STOX2: variants seen among roughly 807,000 people sequenced by gnomAD.
The protein encoded by STOX2 is storkhead-box protein 2.
A neutral mutation model predicts 60.9 loss-of-function variants in STOX2; 28 were observed. The observed-to-expected ratio is 0.46, with a 90% CI of 0.34 to 0.63. The LOEUF (loss-of-function observed/expected upper bound fraction) is 0.63, where lower values mean the gene tolerates loss of function less well. STOX2 is among the 30% of genes least tolerant of loss of function. The probability of loss-of-function intolerance (pLI) is 0.01; values close to 1 mark genes in which losing one functional copy is unlikely to be tolerated. For missense variants in STOX2, 1,024 were observed against 1,187.7 expected, an observed-to-expected ratio of 0.86 and a Z score of 2.03; for synonymous variants, 472 against 463.9, an observed-to-expected ratio of 1.02 and a Z score of -0.22.
At chr4:183,853,246 G>A (rs1419271566) in intron 1 of STOX2, among the ~76,000 whole-genome samples, 2 of 152,198 alleles carry the variant, frequency 1.3e-5, no homozygotes, top group Non-Finnish European at 2.9e-5. Context: ...TCATTGTCAG[G>A]CTTTTCCCTT....
At chr4:183,838,124 A>G (rs945506613) in intron 1 of STOX2, among the ~76,000 whole-genome samples, 3 of 151,398 alleles carry the variant, frequency 2.0e-5, no homozygotes, top group African/African-American at 7.3e-5. Flanking sequence ...CTCTTTAAAT[A>G]TTTCAATAAA....
chr4:183,963,417 AT>A (rs956299080), intron 1 of STOX2, among the ~76,000 whole-genome samples: 28 of 151,536 alleles, frequency 1.8e-4, no homozygotes, highest in Non-Finnish European at 3.1e-4. Context: ...AAAATGTTAT[AT>A]TTTTTTTCTT....
intron 2 of STOX2, among the ~76,000 whole-genome samples, chr4:184,008,909 C>T (rs898398227): frequency 1.3e-5 from 2 of 152,160 alleles, no homozygotes; most frequent in African/African-American, 2.4e-5. Context: ...ACAGTAGCAA[C>T]CTGACTCCAC....
chr4:183,856,320 G>A lies in STOX2; in HGVS notation c.364+58265G>A, dbSNP rs562059659. ...ACCATTAATTAAAGAAATGGCATGG[G>A]CTACACTAACAGAAGAGCACCCTTC... is the stretch of plus-strand genomic sequence containing the variant. On this transcript the variant is annotated intron_variant, in intron 1 of 2. Transcript: ENST00000513034. The surrounding 1 kb of genome is among the most constrained non-coding windows in gnomAD (Gnocchi z 4.0). Among the ~76,000 whole-genome samples the A allele has an allele frequency of 1.3e-5, 2 of 152,252 alleles. No homozygotes were observed. Among genetic ancestry groups the A allele is most frequent in the South Asian group, 4.1e-4 (2 of 4,822 alleles).
chr4:183,947,796 T>G (rs1365951640), intron 1 of STOX2, among the ~76,000 whole-genome samples: 1 of 152,176 alleles, frequency 6.6e-6, no homozygotes. Context: ...CCTCTGTGTC[T>G]CAATACAATT....
intron 1 of STOX2, among the ~76,000 whole-genome samples, chr4:183,909,231 TAGATGATATACTGAAAC>T (rs1741710614): frequency 6.6e-6 from 1 of 152,220 alleles, no homozygotes; most frequent in Non-Finnish European, 1.5e-5. Flanking sequence ...TTGATAGAAA[TAGATGATATACTGAAAC>T]ACTTGGAAAT....
intron 1 of STOX2, among the ~76,000 whole-genome samples, chr4:183,934,965 C>T (rs183879455): frequency 1.3e-5 from 2 of 152,360 alleles, no homozygotes; most frequent in South Asian, 2.1e-4. Context: ...GCACAGTCAT[C>T]GCCATTGCCA....
intron 1 of STOX2, among the ~76,000 whole-genome samples, chr4:183,839,685 T>C (rs1176433603): frequency 6.6e-6 from 1 of 152,202 alleles, no homozygotes; most frequent in Non-Finnish European, 1.5e-5. Context: ...CTCTTGACTT[T>C]GCATTTCATG....
intron 1 of STOX2, among the ~76,000 whole-genome samples, chr4:183,942,239 AT>A (rs1227866604): frequency 1.3e-5 from 2 of 150,190 alleles, no homozygotes; most frequent in African/African-American, 4.9e-5. Context: ...CAACCAGCTT[AT>A]TTCCTTTGAC....
intron 1 of STOX2, among the ~76,000 whole-genome samples, chr4:183,802,684 C>T (rs1033663164): frequency 2.0e-5 from 3 of 151,336 alleles, no homozygotes; most frequent in East Asian, 3.9e-4. Context: ...CGGCTCATTG[C>T]AAGCTCCGCC....
At chr4:183,832,301 T>G (rs1352810333) in intron 1 of STOX2, among the ~76,000 whole-genome samples, 2 of 151,482 alleles carry the variant, frequency 1.3e-5, no homozygotes, top group Non-Finnish European at 2.9e-5. Flanking sequence ...TGGAGCTCAT[T>G]CATTTCTATT....
intron 2 of STOX2, among the ~76,000 whole-genome samples, chr4:184,003,039 T>C (rs1733663893): frequency 1.3e-5 from 2 of 152,258 alleles, no homozygotes; most frequent in South Asian, 4.1e-4. Context: ...TGTTAAGTCC[T>C]AGGCAAACGC....
chr4:183,932,785 A>G (rs1028110326), intron 1 of STOX2, among the ~76,000 whole-genome samples: 1 of 152,166 alleles, frequency 6.6e-6, no homozygotes, highest in Non-Finnish European at 1.5e-5. Context: ...CCGACTTCCT[A>G]CAACAACGTT....
rs1029024479 is a variant in STOX2, at chr4:184,021,640, A to T, written c.*4356A>T. On this transcript the variant is annotated 3_prime_UTR_variant, in exon 4 of 4. Transcript: ENST00000308497. The stretch of plus-strand genomic sequence containing the variant: ...TAAATCACCAGCTTTCAGGAACATG[A>T]CTGCTCCTGGCAGTGGAAGGTGCTG... 1.1e-4 allele frequency: 16 copies of T among 152,208 alleles called. No homozygotes were observed. Among genetic ancestry groups the T allele is most frequent in the Admixed American group, 9.2e-4 (14 of 15,280 alleles). The allele number at this position is 152,208 out of a possible 1,614,324, so 9.4% of individuals were successfully genotyped here. A position where few individuals can be genotyped will look rare whatever the true frequency, so the allele number is the denominator to read the frequency against.
At chr4:183,952,764 T>C (rs1188941280) in intron 1 of STOX2, among the ~76,000 whole-genome samples, 2 of 152,204 alleles carry the variant, frequency 1.3e-5, no homozygotes, top group Non-Finnish European at 1.5e-5. Context: ...TTCTTTACTG[T>C]AGGACTCCTT....
At chr4:183,950,925 C>T (rs1045068325) in intron 1 of STOX2, among the ~76,000 whole-genome samples, 1 of 152,082 alleles carries the variant, frequency 6.6e-6, no homozygotes, top group Admixed American at 6.5e-5. Flanking sequence ...TTAAGAAGGA[C>T]AGTAGTGCGG....
At chr4:184,004,628 T>A (rs1733749505) in intron 2 of STOX2, among the ~76,000 whole-genome samples, 1 of 152,030 alleles carries the variant, frequency 6.6e-6, no homozygotes, top group Admixed American at 6.6e-5. Flanking sequence ...AAAATTCCGA[T>A]ACATCAAAAC....
chr4:183,938,450 C>T (rs1742649790), intron 1 of STOX2, among the ~76,000 whole-genome samples: 1 of 152,096 alleles, frequency 6.6e-6, no homozygotes, highest in Non-Finnish European at 1.5e-5. Context: ...GGGCGGATCA[C>T]CTCAAGTCAG....
At chr4:183,940,863 C>T (rs561234964) in intron 1 of STOX2, among the ~76,000 whole-genome samples, 1 of 152,244 alleles carries the variant, frequency 6.6e-6, no homozygotes, top group African/African-American at 2.4e-5. Flanking sequence ...TTTTATTTTA[C>T]AATTACAGCA....
Sources: allele counts gnomAD v4.1 joint callset (sites outside exome capture counted in the v4.1 genomes callset), GRCh38; gene constraint gnomAD v4.1.1; non-coding constraint Gnocchi (gnomAD v3.1); transcripts MANE v1.5; gene names NCBI Gene and HGNC (gene_info 2026-07-23, HGNC 2026-07-21).